The following NAA15 variants were observed in gnomAD, a reference collection of about 807,000 sequenced individuals.
NAA15 encodes the protein N-alpha-acetyltransferase 15, NatA auxiliary subunit.
NAA15 carries 34 observed loss-of-function variants against 114.0 expected under a neutral mutation model. The ratio of observed to expected loss-of-function variants is 0.30; its 90% CI spans 0.23 to 0.40. The LOEUF (loss-of-function observed/expected upper bound fraction) is 0.40. Among genes scored for constraint, NAA15 ranks in the 10% least tolerant of loss-of-function variants. The pLI, the probability that NAA15 is intolerant of heterozygous loss-of-function variation, is 1.00. For synonymous variants in NAA15, 340 were observed against 338.0 expected, an observed-to-expected ratio of 1.01 and a Z score of -0.06; for missense variants, 658 against 1,004.5, an observed-to-expected ratio of 0.66 and a Z score of 4.66.
chr4:139,303,614 T>G (rs1745890191), intron 1 of NAA15, among the ~76,000 whole-genome samples: 1 of 152,104 alleles, frequency 6.6e-6, no homozygotes, highest in Non-Finnish European at 1.5e-5. Flanking sequence ...CTGGCCAACG[T>G]AGTGAAATCC....
chr4:139,325,693 G>T (rs1746777167), intron 1 of NAA15, among the ~76,000 whole-genome samples: 1 of 152,192 alleles, frequency 6.6e-6, no homozygotes, highest in African/African-American at 2.4e-5. Context: ...CTGTCGCTCA[G>T]GTTGGAGTGC....
chr4:139,359,278 G>A (rs1013067445), intron 11 of NAA15, among the ~76,000 whole-genome samples: 6 of 151,800 alleles, frequency 4.0e-5, no homozygotes, highest in Non-Finnish European at 8.8e-5. Flanking sequence ...ACAGGCATGC[G>A]CCACCACCCT....
In NAA15 at chr4:139,388,120, C is replaced by G; in HGVS notation, c.*36C>G. ...ACAAGCAAATGGAATGACTTTGGAC[C>G]ATATCTAGTATATAATATTTTTGTC... On this transcript the variant is annotated 3_prime_UTR_variant, in exon 20 of 20. Transcript: ENST00000296543. 6.3e-7 allele frequency: 1 copy of G among 1,577,444 alleles called. No individual in the cohort carries two copies. The highest frequency in any genetic ancestry group is 1.7e-5 in the Admixed American group (1 of 59,178).
At chr4:139,347,710 CCAT>C (rs1413606735) in intron 6 of NAA15, among the ~76,000 whole-genome samples, 1 of 152,172 alleles carries the variant, frequency 6.6e-6, no homozygotes, top group Non-Finnish European at 1.5e-5. Flanking sequence ...AATCCTAACT[CCAT>C]CACTATCTGC....
intron 1 of NAA15, among the ~76,000 whole-genome samples, chr4:139,315,912 T>C (rs1746397758): frequency 6.6e-6 from 1 of 151,792 alleles, no homozygotes; most frequent in African/African-American, 2.4e-5. Context: ...TCTATTTGGT[T>C]TATCAGCTTT....
intron 9 of NAA15, among the ~76,000 whole-genome samples, chr4:139,353,063 C>G (rs1429117079): frequency 6.6e-6 from 1 of 152,262 alleles, no homozygotes; most frequent in East Asian, 1.9e-4. Flanking sequence ...TGATTTTCTT[C>G]TACTTAAGAT....
chr4:139,321,086 A>G (rs1015340149), intron 1 of NAA15, among the ~76,000 whole-genome samples: 1 of 151,620 alleles, frequency 6.6e-6, no homozygotes, highest in Non-Finnish European at 1.5e-5. Flanking sequence ...TTTTGATTTC[A>G]CAAATTTCTT....
intron 1 of NAA15, chr4:139,302,085 G>C (rs898130673): frequency 2.5e-6 from 1 of 399,510 alleles, no homozygotes. Flanking sequence ...CGACCTCCCG[G>C]CTTCTAGACT....
At chr4:139,302,859 A>AT (rs1223180608) in intron 1 of NAA15, among the ~76,000 whole-genome samples, 1 of 152,180 alleles carries the variant, frequency 6.6e-6, no homozygotes, top group Non-Finnish European at 1.5e-5. Context: ...ATTGTAGCAC[A>AT]TTTTTTGTTT....
intron 1 of NAA15, among the ~76,000 whole-genome samples, chr4:139,332,393 T>G (rs184995358): frequency 1.4e-3 from 206 of 151,796 alleles, no homozygotes; most frequent in African/African-American, 4.7e-3. Flanking sequence ...CCTCCAAAAG[T>G]GCTGGGATTA....
chr4:139,320,773 G>A (rs934254664), intron 1 of NAA15, among the ~76,000 whole-genome samples: 5 of 152,098 alleles, frequency 3.3e-5, no homozygotes, highest in African/African-American at 1.2e-4. Context: ...CGCCCACCTC[G>A]GCCACCCAAA....
intron 1 of NAA15, among the ~76,000 whole-genome samples, chr4:139,306,130 A>G (rs1396593119): frequency 1.3e-5 from 2 of 152,170 alleles, no homozygotes; most frequent in Non-Finnish European, 2.9e-5. Context: ...TTTTCTGACT[A>G]AAGCATTGTC....
chr4:139,374,979 A>G (rs1276049345), intron 15 of NAA15, among the ~76,000 whole-genome samples: 1 of 152,148 alleles, frequency 6.6e-6, no homozygotes, highest in Non-Finnish European at 1.5e-5. Flanking sequence ...AATAGCAGTC[A>G]TATGTCTCTG....
Position 139,368,016 on chromosome 4 carries a change from TC to T in NAA15, c.1754-2193del, listed in dbSNP as rs201921850. Among the ~76,000 whole-genome samples, 1,243 of 148,764 alleles carry T rather than the reference TC, an allele frequency of 8.4e-3. 18 individuals are homozygous for T. Among genetic ancestry groups the T allele is most frequent in the African/African-American group, 0.029 (1,177 of 40,158 alleles). On this transcript the variant is annotated intron_variant, in intron 14 of 19. Transcript: ENST00000296543. ...TGAATAGTCCAAGGCTCTTCAAACTTCCACTAAAGCCCTACTCAAAGTCTGT... is the reference window on the plus strand; with the variant it reads ...TGAATAGTCCAAGGCTCTTCAAACTTCACTAAAGCCCTACTCAAAGTCTGT...
chr4:139,304,480 C>T lies in NAA15; in HGVS notation c.54+2649C>T, dbSNP rs199520258. Among the ~76,000 whole-genome samples the T allele has an allele frequency of 7.2e-5, 11 of 152,238 alleles. No individual in the cohort carries two copies. In the East Asian group the frequency reaches 9.6e-4, roughly 13 times the overall value. ...CTGTCGGGGGTTGATTTCAGGATCC[C>T]GCGAGATTCCAAAATTTGCAGGTGT... On this transcript the variant is annotated intron_variant, in intron 1 of 19. Coordinates refer to ENST00000296543, the MANE Select transcript of NAA15 (RefSeq NM_057175.5).
chr4:139,305,301 G>T (rs551454895), intron 1 of NAA15, among the ~76,000 whole-genome samples: 3 of 152,160 alleles, frequency 2.0e-5, no homozygotes, highest in Non-Finnish European at 4.4e-5. Context: ...ACTAAATGAA[G>T]GAAGAGTAAA....
chr4:139,372,297 G>A (rs1425748094), intron 15 of NAA15, among the ~76,000 whole-genome samples: 3 of 152,174 alleles, frequency 2.0e-5, no homozygotes, highest in African/African-American at 7.2e-5. Flanking sequence ...CAGAATTCTT[G>A]TACTAGGTTT....
Position 139,301,722 on chromosome 4 carries a change from G to A in NAA15, c.-56G>A. 2.0e-6 allele frequency: 3 copies of A among 1,529,108 alleles called. No homozygotes were observed. Among genetic ancestry groups the A allele is most frequent in the Admixed American group, 2.0e-5 (1 of 50,108 alleles). The allele number at this position is 1,529,108 out of a possible 1,614,324, so 94.7% of individuals were successfully genotyped here. ...TACGGAACGGCAGCGGCGGCGGTCG[G>A]ACAAACTGACTGACCGAGCCGGGTG... On this transcript the variant is annotated 5_prime_UTR_variant, in exon 1 of 20. Transcript: ENST00000296543.
chr4:139,334,070 A>G (rs1747118713), intron 1 of NAA15, 104 bp from the exon 2 acceptor site: 1 of 694,178 alleles, frequency 1.4e-6, no homozygotes, highest in East Asian at 2.9e-5. Context: ...AAGCATATGG[A>G]AATAGCATTC....
Sources: allele counts gnomAD v4.1 joint callset (sites outside exome capture counted in the v4.1 genomes callset), GRCh38; gene constraint gnomAD v4.1.1; transcripts MANE v1.5; gene names NCBI Gene and HGNC (gene_info 2026-07-23, HGNC 2026-07-21).